The following FRMD6 variants were observed in gnomAD, a reference collection of about 807,000 sequenced individuals.
The protein encoded by FRMD6 is FERM domain containing 6, also known as FERM domain-containing protein 6.
FRMD6 carries 37 observed loss-of-function variants against 73.2 expected under a neutral mutation model. That is an observed-to-expected ratio of 0.51 (90% confidence interval 0.39 to 0.66). The LOEUF is 0.66. Ranked by LOEUF, FRMD6 falls within the 30% of genes least tolerant of loss-of-function variation. The pLI is 0.00. For synonymous variants in FRMD6, 273 were observed against 282.2 expected, an observed-to-expected ratio of 0.97 and a Z score of 0.33; for missense variants, 714 against 780.5, an observed-to-expected ratio of 0.91 and a Z score of 1.02.
At chr14:51,401,830 T>G in the FRMD6 span, among the ~76,000 whole-genome samples, 31,848 of 152,154 alleles carry the variant, frequency 0.21, 3,481 homozygotes, top group Middle Eastern at 0.25. Context: ...CAGCCAGACT[T>G]GTTCATCCCA....
chr14:51,572,961 A>G (rs1425466900), intron 2 of FRMD6, among the ~76,000 whole-genome samples: 2 of 152,224 alleles, frequency 1.3e-5, no homozygotes, highest in Admixed American at 1.3e-4. Context: ...TTTTCTTCAC[A>G]TTCTTAGGTT....
intron 2 of FRMD6, among the ~76,000 whole-genome samples, chr14:51,583,883 G>A (rs191149776): frequency 5.3e-5 from 8 of 152,258 alleles, no homozygotes; most frequent in Admixed American, 3.9e-4. Flanking sequence ...AGCAAGAATA[G>A]CAGAAAGAGA....
intron 9 of FRMD6, 167 bp from the exon 10 acceptor site, chr14:51,715,158 T>C: frequency 1.8e-6 from 1 of 564,610 alleles, no homozygotes; most frequent in African/African-American, 1.9e-5. Flanking sequence ...TCCCCTGTCC[T>C]GTGACATTTT....
At chr14:51,461,333 T>C in the FRMD6 span, among the ~76,000 whole-genome samples, 1 of 152,224 alleles carries the variant, frequency 6.6e-6, no homozygotes, top group Middle Eastern at 3.2e-3. Context: ...CACTGCCAGT[T>C]ATTTCTTCCA....
intron 1 of FRMD6, among the ~76,000 whole-genome samples, chr14:51,518,542 C>T (rs533926513): frequency 2.8e-4 from 42 of 152,304 alleles, no homozygotes; most frequent in Non-Finnish European, 5.1e-4. Flanking sequence ...AGTGAGAAAA[C>T]GCATATGACA....
At chr14:51,535,641 G>A (rs1885840895) in intron 1 of FRMD6, among the ~76,000 whole-genome samples, 1 of 152,148 alleles carries the variant, frequency 6.6e-6, no homozygotes, top group South Asian at 2.1e-4. Flanking sequence ...TGCACATTTG[G>A]GTTGTTTCCA....
intron 1 of FRMD6, among the ~76,000 whole-genome samples, chr14:51,674,320 G>T (rs1187036559): frequency 6.6e-6 from 1 of 152,132 alleles, no homozygotes; most frequent in Non-Finnish European, 1.5e-5. Context: ...GAATGATTTT[G>T]CCTGTGAATC....
intron 1 of FRMD6, among the ~76,000 whole-genome samples, chr14:51,663,527 A>G (rs1265788165): frequency 6.6e-6 from 1 of 152,228 alleles, no homozygotes; most frequent in Admixed American, 6.5e-5. Flanking sequence ...GAAATACTGC[A>G]TGTTCTCACT....
chr14:51,487,957 G>T (rs1882811020), upstream of FRMD6, among the ~76,000 whole-genome samples: 1 of 152,150 alleles, frequency 6.6e-6, no homozygotes, highest in South Asian at 2.1e-4. Context: ...GGAGATAAAG[G>T]ACATTTTTAA....
chr14:51,715,301 T>A, intron 9 of FRMD6, 24 bp from the exon 10 acceptor site: 1 of 1,459,882 alleles, frequency 6.8e-7, no homozygotes, highest in South Asian at 1.5e-5. Flanking sequence ...CTTCCTGAAT[T>A]TGATTCATGG....
intron 1 of FRMD6, among the ~76,000 whole-genome samples, chr14:51,515,166 A>G (rs1350207007): frequency 1.3e-5 from 2 of 152,210 alleles, no homozygotes; most frequent in African/African-American, 4.8e-5. Context: ...AGTTCTGCTA[A>G]TGGACCTCCT....
At chr14:51,535,135 A>T (rs1327408291) in intron 1 of FRMD6, among the ~76,000 whole-genome samples, 1 of 152,216 alleles carries the variant, frequency 6.6e-6, no homozygotes, top group South Asian at 2.1e-4. Flanking sequence ...AGGGAAACTC[A>T]GTACTCTCAT....
At chr14:51,632,516 A>T (rs1286001161) in intron 2 of FRMD6, among the ~76,000 whole-genome samples, 1 of 152,226 alleles carries the variant, frequency 6.6e-6, no homozygotes, top group East Asian at 1.9e-4. Context: ...ACTTAATCTC[A>T]GAAATCTTTT....
intron 1 of FRMD6, among the ~76,000 whole-genome samples, chr14:51,665,702 A>C (rs1422450053): frequency 6.6e-6 from 1 of 152,214 alleles, no homozygotes; most frequent in African/African-American, 2.4e-5. Context: ...CCCAAATCTC[A>C]TCTTGAATTT....
At chr14:51,633,000 G>C (rs1033648592) in intron 2 of FRMD6, among the ~76,000 whole-genome samples, 12 of 152,076 alleles carry the variant, frequency 7.9e-5, no homozygotes, top group Admixed American at 4.6e-4. Context: ...TAACAAAATG[G>C]CATTTTTAAG....
rs79265142 is a variant in FRMD6 at position 51,573,436 on chromosome 14, C to T, written c.-147+3026C>T. Among the ~76,000 whole-genome samples, 290 of 152,248 alleles carry T rather than the reference C, an allele frequency of 1.9e-3. 2 individuals are homozygous for T. Among genetic ancestry groups the T allele is most frequent in the African/African-American group, 6.8e-3 (283 of 41,548 alleles). On this transcript the variant is annotated intron_variant, in intron 2 of 14. Coordinates refer to the FRMD6 transcript ENST00000356218. The stretch of plus-strand genomic sequence containing the variant: ...GGGAGGAAAGAAGGGTGAAAAGGGA[C>T]AGAGGAAATGTCTTAAGGTGAAACA...
At chr14:51,725,676 A>C in intron 12 of FRMD6, 103 bp from the exon 13 acceptor site, 1 of 850,948 alleles carries the variant, frequency 1.2e-6, no homozygotes, top group East Asian at 2.7e-5. Flanking sequence ...GGTAATGGTT[A>C]ATATTTGATT....
intron 2 of FRMD6, among the ~76,000 whole-genome samples, chr14:51,633,910 A>G (rs1891440968): frequency 6.6e-6 from 1 of 152,232 alleles, no homozygotes; most frequent in Non-Finnish European, 1.5e-5. Flanking sequence ...TACATGCAGA[A>G]TCCATGCTAT....
rs528145748 is a variant in FRMD6, at chr14:51,615,711, A to C, written c.-147+45301A>C. Among the ~76,000 whole-genome samples, 3 of 152,316 alleles carry C rather than the reference A, an allele frequency of 2.0e-5. No individual in the cohort carries two copies. In the South Asian group the frequency reaches 6.2e-4, roughly 32 times the overall value. On this transcript the variant is annotated intron_variant, in intron 2 of 14. Coordinates refer to the FRMD6 transcript ENST00000356218. ...ATATTTGAAAGGAGAGGAGGGGAAA[A>C]ACAAAGGAAGAACCTCACTTGAAAA...
Sources: gnomAD v4.1 joint callset for allele counts (sites outside exome capture counted in the v4.1 genomes callset) on GRCh38, gnomAD v4.1.1 for gene constraint, MANE v1.5 for transcripts, NCBI Gene and HGNC (gene_info 2026-07-23, HGNC 2026-07-21) for gene names.